Variants in NUP153 observed in about 807,000 individuals in gnomAD.
NUP153 encodes the protein nuclear pore complex protein Nup153.
NUP153 carries 27 observed loss-of-function variants against 134.6 expected under a neutral mutation model. The observed-to-expected ratio is 0.20, with a 90% CI of 0.15 to 0.28. The LOEUF (loss-of-function observed/expected upper bound fraction) is 0.28. Among genes scored for constraint, NUP153 ranks in the 10% least tolerant of loss-of-function variants. The pLI, the probability that NUP153 is intolerant of heterozygous loss-of-function variation, is 1.00. For synonymous variants in NUP153, 640 were observed against 623.5 expected (o/e 1.03, Z -0.40); for missense variants, 1,821 against 1,731.3 (o/e 1.05, Z -0.92).
intron 1 of NUP153, among the ~76,000 whole-genome samples, chr6:17,705,593 G>T (rs1446830116): frequency 2.1e-5 from 3 of 141,378 alleles, no homozygotes; most frequent in Non-Finnish European, 1.5e-5. Context: ...GTTGGGGGGG[G>T]GGAGGGGAGT....
intron 11 of NUP153, 72 bp downstream of exon 11, chr6:17,661,581 G>T (rs1228878512): frequency 2.0e-6 from 3 of 1,470,920 alleles, no homozygotes; most frequent in Non-Finnish European, 2.7e-6. Context: ...CACCCCTACA[G>T]GTCTCCCCTT....
At chr6:17,631,264 T>C (rs1342892481) in intron 17 of NUP153, among the ~76,000 whole-genome samples, 1 of 152,238 alleles carries the variant, frequency 6.6e-6, no homozygotes, top group Non-Finnish European at 1.5e-5. Context: ...GTGCAGGTGA[T>C]GGCTCACAAT....
intron 2 of NUP153, among the ~76,000 whole-genome samples, chr6:17,678,767 G>C (rs560754692): frequency 6.6e-6 from 1 of 151,732 alleles, no homozygotes; most frequent in Non-Finnish European, 1.5e-5. Flanking sequence ...AACATACTGA[G>C]ACTTCATCTC....
Position 17,632,849 on chromosome 6 carries a change from A to C in NUP153, c.2465-5T>G. On this transcript the variant is annotated splice_region_variant and splice_polypyrimidine_tract_variant and intron_variant, in intron 16 of 21. Transcript: ENST00000262077. ...TTGAAGCAGGTACTGAACTTCCTAA[A>C]AAAAAAAAAAAAAACGGGGAGTGGG... is the stretch of plus-strand genomic sequence containing the variant. The C allele has an allele frequency of 6.7e-7, 1 of 1,496,554 alleles. No individual in the cohort carries two copies. The highest frequency in any genetic ancestry group is 8.9e-7 in the Non-Finnish European group (1 of 1,122,442). 92.7% of individuals were successfully genotyped at this position (1,496,554 alleles called of 1,614,324 possible).
At chr6:17,693,116 C>T (rs748758988) in intron 1 of NUP153, among the ~76,000 whole-genome samples, 26 of 151,598 alleles carry the variant, frequency 1.7e-4, no homozygotes, top group Non-Finnish European at 2.9e-4. Context: ...TACTGTTTTT[C>T]TCTGAATCCA....
intron 16 of NUP153, among the ~76,000 whole-genome samples, chr6:17,633,731 A>C (rs754708045): frequency 6.6e-6 from 1 of 152,290 alleles, no homozygotes; most frequent in East Asian, 1.9e-4. Flanking sequence ...CTGACAGTGA[A>C]GCCATTCATT....
At chr6:17,668,079 T>C (rs1323045594) in intron 8 of NUP153, among the ~76,000 whole-genome samples, 1 of 147,932 alleles carries the variant, frequency 6.8e-6, no homozygotes. Flanking sequence ...CTTTTTTTTT[T>C]TTTTTTTTTT....
chr6:17,683,587 T>C (rs1768742840), intron 2 of NUP153, among the ~76,000 whole-genome samples: 1 of 152,208 alleles, frequency 6.6e-6, no homozygotes, highest in South Asian at 2.1e-4. Flanking sequence ...AATAGATGTG[T>C]TGTCATCCAG....
In NUP153 at chr6:17,706,587, AG is replaced by A; in HGVS notation, c.-201del. 2 of 580,396 alleles carry A rather than the reference AG, an allele frequency of 3.4e-6. No homozygotes were observed. The highest frequency in any genetic ancestry group is 6.1e-6 in the Non-Finnish European group (2 of 329,314). 36.0% of individuals were successfully genotyped at this position (580,396 alleles called of 1,614,324 possible). The stretch of plus-strand genomic sequence containing the variant: ...AGAGGGTGAGTGCTGGCAGCGGGGA[AG>A]GGGGTGGCGGCCGCAGAGGCCGAGG... On this transcript the variant is annotated 5_prime_UTR_variant, in exon 1 of 22. Coordinates refer to ENST00000262077, the MANE Select transcript of NUP153 (RefSeq NM_005124.4). The surrounding 1 kb of genome is among the most constrained non-coding windows in gnomAD (Gnocchi z 5.9).
intron 16 of NUP153, among the ~76,000 whole-genome samples, chr6:17,633,532 TA>T (rs1442100498): frequency 2.6e-5 from 4 of 152,116 alleles, no homozygotes; most frequent in African/African-American, 9.7e-5. Flanking sequence ...CTCATGGTCT[TA>T]AAGGGGGAAA....
Position 17,628,619 on chromosome 6 carries a change from A to T in NUP153, c.3544+36T>A, listed in dbSNP as rs776065896. Reference sequence around the variant, plus strand: ...GTAAAACGACAACTTGTAAAAAAAAAAATAATAATAATAATAATAAAAAGT... The same window carrying T: ...GTAAAACGACAACTTGTAAAAAAAATAATAATAATAATAATAATAAAAAGT... On this transcript the variant is annotated intron_variant, in intron 18 of 21. Coordinates refer to ENST00000262077, the MANE Select transcript of NUP153 (RefSeq NM_005124.4). The surrounding 1 kb of genome is among the most constrained non-coding windows in gnomAD (Gnocchi z 5.4). 2.9e-4 allele frequency: 332 copies of T among 1,159,086 alleles called. No homozygotes were observed. The highest frequency in any genetic ancestry group is 1.6e-3 in the African/African-American group (101 of 61,690). The allele number at this position is 1,159,086 out of a possible 1,614,324, so 71.8% of individuals were successfully genotyped here. A position where few individuals can be genotyped will look rare whatever the true frequency, so the allele number is the denominator to read the frequency against.
chr6:17,643,696 T>C (rs1380905541), intron 14 of NUP153, among the ~76,000 whole-genome samples: 1 of 152,206 alleles, frequency 6.6e-6, no homozygotes, highest in East Asian at 1.9e-4. Context: ...ACATTTTCAA[T>C]TAGCTTTTTT....
Position 17,648,460 on chromosome 6 carries a change from T to C in NUP153, c.1534-555A>G, listed in dbSNP as rs1045124080. On this transcript the variant is annotated intron_variant, in intron 12 of 21. Transcript: ENST00000262077. Reference sequence around the variant, plus strand: ...GGTGAAACCCTGTCTCTACTAAAAATACAAAAATTAGCCGGGCATGGTGGT... The same window carrying C: ...GGTGAAACCCTGTCTCTACTAAAAACACAAAAATTAGCCGGGCATGGTGGT... Among the ~76,000 whole-genome samples, 12 of 151,762 alleles carry C rather than the reference T, an allele frequency of 7.9e-5. 1 individual carries two copies. The highest frequency in any genetic ancestry group is 6.6e-4 in the Admixed American group (10 of 15,228).
chr6:17,672,191 G>A (rs2113830489), intron 5 of NUP153, among the ~76,000 whole-genome samples: 1 of 151,542 alleles, frequency 6.6e-6, no homozygotes, highest in South Asian at 2.1e-4. Flanking sequence ...TCAAGACAGT[G>A]CAGTTGGCAA....
intron 20 of NUP153, among the ~76,000 whole-genome samples, chr6:17,623,479 G>C (rs1764761172): frequency 6.6e-6 from 1 of 151,224 alleles, no homozygotes; most frequent in African/African-American, 2.4e-5. Context: ...ATCAGGAAAA[G>C]TTTTTATTAT....
intron 9 of NUP153, 96 bp downstream of exon 9, chr6:17,665,143 A>G: frequency 1.2e-6 from 1 of 854,358 alleles, no homozygotes; most frequent in Non-Finnish European, 1.8e-6. Context: ...TGTGTTATAC[A>G]GTTGCTAGAA....
intron 13 of NUP153, among the ~76,000 whole-genome samples, chr6:17,647,418 G>C (rs1199957542): frequency 1.3e-5 from 2 of 152,154 alleles, no homozygotes; most frequent in African/African-American, 4.8e-5. Context: ...AAATAAAACA[G>C]CAATTAAAGG....
intron 2 of NUP153, among the ~76,000 whole-genome samples, chr6:17,679,529 T>C (rs1768446928): frequency 6.6e-6 from 1 of 152,190 alleles, no homozygotes; most frequent in Non-Finnish European, 1.5e-5. Context: ...AAAATTCATA[T>C]GGAATCTCAA....
Position 17,624,621 on chromosome 6 carries a change from G to A in NUP153, c.4114C>T (p.Pro1372Ser), listed in dbSNP as rs1185822897. The A allele has an allele frequency of 1.2e-6, 2 of 1,614,034 alleles. No homozygotes were observed. Among genetic ancestry groups the A allele is most frequent in the South Asian group, 2.2e-5 (2 of 91,084 alleles). The part of the protein sequence containing the change: ...FGTVSSSSQP[P>S]VFGQQPSQSA... ...TGACTAGGTTGCTGTCCAAACACAGGGGGCTGGCTACTGCTTGACACTGTC... is the reference window on the plus strand; with the variant it reads ...TGACTAGGTTGCTGTCCAAACACAGAGGGCTGGCTACTGCTTGACACTGTC... Residue 1372 changes from proline to serine, a missense_variant, in exon 20 of 22, where the codon CCT becomes TCT. Pro to Ser is a moderately conservative substitution (Grantham distance 74). Coordinates refer to ENST00000262077, the MANE Select transcript of NUP153 (RefSeq NM_005124.4).
Sources: gnomAD v4.1 joint callset for allele counts (sites outside exome capture counted in the v4.1 genomes callset) on GRCh38, gnomAD v4.1.1 for gene constraint, Gnocchi (gnomAD v3.1) non-coding constraint, MANE v1.5 for transcripts, NCBI Gene and HGNC (gene_info 2026-07-23, HGNC 2026-07-21) for gene names.